Variants in BIN3 observed in about 807,000 individuals in gnomAD.
The protein encoded by BIN3 is bridging integrator 3.
A neutral mutation model predicts 38.2 loss-of-function variants in BIN3; 41 were observed. The observed-to-expected ratio is 1.07, with a 90% confidence interval of 0.84 to 1.39. The LOEUF is 1.39. Ranked by LOEUF, BIN3 falls within the 40% of genes most tolerant of loss-of-function variation. The pLI, the probability that BIN3 is intolerant of heterozygous loss-of-function variation, is 0.00. For missense variants in BIN3, 361 were observed against 324.3 expected, an observed-to-expected ratio of 1.11 and a Z score of -0.87; for synonymous variants, 145 against 122.6, an observed-to-expected ratio of 1.18 and a Z score of -1.21.
chr8:22,623,912 CA>C lies in BIN3; in HGVS notation c.615+2del. The C allele has an allele frequency of 1.2e-6, 2 of 1,611,262 alleles. No individual in the cohort carries two copies. Among genetic ancestry groups the C allele is most frequent in the Non-Finnish European group, 1.7e-6 (2 of 1,179,124 alleles). ...CCAGGGGAAGAGCACCTGGCGGCCT[CA>C]CCTGAGCTCGGATGAGGGACTCAAA... On this transcript the variant is annotated splice_donor_variant, in intron 8 of 8. Transcript: ENST00000276416. LOFTEE classifies it high-confidence loss of function.
At chr8:22,649,852 C>T (rs1304840483) in intron 1 of BIN3, among the ~76,000 whole-genome samples, 1 of 140,682 alleles carries the variant, frequency 7.1e-6, no homozygotes, top group African/African-American at 3.0e-5. Flanking sequence ...CACACACACA[C>T]ACACACCCCC....
intron 6 of BIN3, among the ~76,000 whole-genome samples, chr8:22,629,405 G>A (rs1418876058): frequency 1.3e-5 from 2 of 152,188 alleles, no homozygotes; most frequent in African/African-American, 2.4e-5. Context: ...TCTGATCACT[G>A]ACCAGGGCCT....
intron 2 of BIN3, 186 bp downstream of exon 2, chr8:22,644,569 G>C: frequency 1.7e-6 from 1 of 582,420 alleles, no homozygotes; most frequent in Non-Finnish European, 3.1e-6. Context: ...CCTAGGGGAA[G>C]TGTCCCAGGA....
rs1301230504 is a variant in BIN3, at chr8:22,624,139, C to T, written c.480+83G>A. The T allele has an allele frequency of 4.4e-6, 7 of 1,584,328 alleles. No homozygotes were observed. The Admixed American group carries it at 6.8e-5, about 15-fold the overall frequency. ...GGTGGGGACGTCTGGTGTCTTGGTG[C>T]CCCCAGGTGAGGGGAGGGACTTACC... is the stretch of plus-strand genomic sequence containing the variant. On this transcript the variant is annotated intron_variant, in intron 7 of 8. Transcript: ENST00000276416.
At position 22,624,061 on chromosome 8, in the gene BIN3, G is replaced by A. The variant is rs761436891; in HGVS notation, c.481-12C>T. The A allele has an allele frequency of 6.5e-7, 1 of 1,549,670 alleles. No homozygotes were observed. The highest frequency in any genetic ancestry group is 8.8e-7 in the Non-Finnish European group (1 of 1,140,708). On this transcript the variant is annotated splice_polypyrimidine_tract_variant and intron_variant, in intron 7 of 8. Transcript: ENST00000276416. ...AGCTCCTCTCGTGCCTAGGGAACAAGACCTGGGTGTCAAAACTCTCTCACT... is the reference window on the plus strand; with the variant it reads ...AGCTCCTCTCGTGCCTAGGGAACAAAACCTGGGTGTCAAAACTCTCTCACT...
At position 22,661,302 on chromosome 8, in the gene BIN3, C is replaced by T. The variant is rs115607780; in HGVS notation, c.8+7742G>A. 9.3e-3 allele frequency among the ~76,000 whole-genome samples: 1,378 copies of T among 148,674 alleles called. 23 individuals are homozygous for T. The highest frequency in any genetic ancestry group is 0.032 in the African/African-American group (1,310 of 40,352). ...AGTCCATATGCAAAATATAGTATTG[C>T]CTTATAGGTCTAATGTTTACATAAA... On this transcript the variant is annotated intron_variant, in intron 1 of 8. Transcript: ENST00000276416.
intron 1 of BIN3, among the ~76,000 whole-genome samples, chr8:22,645,767 G>T (rs1585194573): frequency 6.6e-6 from 1 of 152,196 alleles, no homozygotes; most frequent in East Asian, 1.9e-4. Context: ...TCTCTATAGA[G>T]GGGCAAACTT....
chr8:22,638,225 T>C (rs1285186643), intron 2 of BIN3, among the ~76,000 whole-genome samples: 1 of 152,208 alleles, frequency 6.6e-6, no homozygotes, highest in East Asian at 1.9e-4. Context: ...GATGAGAGAA[T>C]TCTAAGCCCC....
chr8:22,625,058 A>G, intron 6 of BIN3: 1 of 420,352 alleles, frequency 2.4e-6, no homozygotes, highest in Non-Finnish European at 4.3e-6. Context: ...GGAACCGCCA[A>G]AGTTCCAACC....
intron 1 of BIN3, among the ~76,000 whole-genome samples, chr8:22,649,023 A>C (rs113296852): frequency 2.6e-5 from 4 of 152,266 alleles, no homozygotes; most frequent in African/African-American, 9.6e-5. Context: ...TCAGCCCTAG[A>C]ATCAGTGGAG....
At chr8:22,642,164 A>G (rs1424059752) in intron 2 of BIN3, among the ~76,000 whole-genome samples, 1 of 152,196 alleles carries the variant, frequency 6.6e-6, no homozygotes, top group Non-Finnish European at 1.5e-5. Context: ...AGATAACGTG[A>G]GCATTTCTTC....
chr8:22,666,417 T>A (rs1803421139), intron 1 of BIN3, among the ~76,000 whole-genome samples: 1 of 146,536 alleles, frequency 6.8e-6, no homozygotes, highest in African/African-American at 2.5e-5. Flanking sequence ...GGGTGGACAA[T>A]GGGAGAGAAA....
rs1380967481 is a variant in BIN3, at chr8:22,621,570, T to TG, written c.616-3dup. ...GTGCATTTCCGAGTAGTACACAACC[T>TG]GGGGGAGGCGACAGGGGTTGGCACG... is the stretch of plus-strand genomic sequence containing the variant. On this transcript the variant is annotated splice_region_variant and splice_polypyrimidine_tract_variant and intron_variant, in intron 8 of 8. Coordinates refer to ENST00000276416, the MANE Select transcript of BIN3 (RefSeq NM_018688.6). 1 of 1,613,352 alleles carries TG rather than the reference T, an allele frequency of 6.2e-7. No individual in the cohort carries two copies. Among genetic ancestry groups the TG allele is most frequent in the Non-Finnish European group, 8.5e-7 (1 of 1,179,748 alleles).
intron 4 of BIN3, among the ~76,000 whole-genome samples, chr8:22,633,845 G>A (rs1335894140): frequency 6.6e-6 from 1 of 152,208 alleles, no homozygotes; most frequent in Non-Finnish European, 1.5e-5. Flanking sequence ...AGACTGATGT[G>A]GCTGTCAGGC....
At chr8:22,640,106 C>T (rs948548099) in intron 2 of BIN3, among the ~76,000 whole-genome samples, 1 of 152,026 alleles carries the variant, frequency 6.6e-6, no homozygotes, top group Non-Finnish European at 1.5e-5. Context: ...AGGTGATCCC[C>T]CCCGCCTCGG....
intron 1 of BIN3, 22 bp downstream of exon 1, chr8:22,669,022 C>T (rs781042519): frequency 1.1e-5 from 18 of 1,575,076 alleles, no homozygotes; most frequent in African/African-American, 2.7e-5. Context: ...CCAGCAGCTC[C>T]CGCCGCCTGG....
rs369465170 is a variant in BIN3, at chr8:22,630,021, C to T, written c.298-17G>A. On this transcript the variant is annotated splice_polypyrimidine_tract_variant and intron_variant, in intron 5 of 8. Coordinates refer to ENST00000276416, the MANE Select transcript of BIN3 (RefSeq NM_018688.6). ...CTGGTTCACCTGTCAAAGAAAAACCCAAAGACATTAAAACTGGTGGGGAGG... is the reference window on the plus strand; with the variant it reads ...CTGGTTCACCTGTCAAAGAAAAACCTAAAGACATTAAAACTGGTGGGGAGG... The T allele has an allele frequency of 6.2e-7, 1 of 1,605,828 alleles. No homozygotes were observed. The highest frequency in any genetic ancestry group is 1.3e-5 in the African/African-American group (1 of 74,936).
At chr8:22,647,937 T>C (rs376958667) in intron 1 of BIN3, among the ~76,000 whole-genome samples, 33 of 151,410 alleles carry the variant, frequency 2.2e-4, no homozygotes, top group African/African-American at 8.0e-4. Flanking sequence ...CCATCCTGGC[T>C]AACACGGTGA....
At chr8:22,660,996 T>C (rs1803218429) in intron 1 of BIN3, among the ~76,000 whole-genome samples, 1 of 152,226 alleles carries the variant, frequency 6.6e-6, no homozygotes, top group Admixed American at 6.5e-5. Flanking sequence ...GCAGTCCACC[T>C]GCCTCAGCCT....
Sources: gnomAD v4.1 joint callset for allele counts (sites outside exome capture counted in the v4.1 genomes callset) on GRCh38, gnomAD v4.1.1 for gene constraint, MANE v1.5 for transcripts, NCBI Gene and HGNC (gene_info 2026-07-23, HGNC 2026-07-21) for gene names.